Variants in IQSEC1 observed in about 807,000 individuals in gnomAD.
IQSEC1 encodes the protein IQ motif and SEC7 domain-containing protein 1.
A neutral mutation model predicts 91.0 loss-of-function variants in IQSEC1; 31 were observed. The observed-to-expected ratio is 0.34, with a 90% confidence interval of 0.26 to 0.46. The LOEUF (loss-of-function observed/expected upper bound fraction) is 0.46. IQSEC1 is among the 20% of genes least tolerant of loss of function. IQSEC1 has a pLI of 1.00. For synonymous variants in IQSEC1, 699 were observed against 662.6 expected, an observed-to-expected ratio of 1.05 and a Z score of -0.84; for missense variants, 1,388 against 1,575.6, an observed-to-expected ratio of 0.88 and a Z score of 2.02.
chr3:13,168,766 T>C (rs1693547628), intron 1 of IQSEC1, among the ~76,000 whole-genome samples: 2 of 152,188 alleles, frequency 1.3e-5, no homozygotes, highest in Non-Finnish European at 2.9e-5. Flanking sequence ...AGTGGCTCCA[T>C]CTTCTAATTC....
rs184502133 is a variant in IQSEC1, at chr3:13,061,981, G to A, written c.23+11011C>T. Among the ~76,000 whole-genome samples the A allele has an allele frequency of 9.4e-4, 143 of 152,318 alleles. 1 individual carries two copies. Among genetic ancestry groups the A allele is most frequent in the African/African-American group, 3.4e-3 (140 of 41,556 alleles). On this transcript the variant is annotated intron_variant, in intron 1 of 13. Coordinates refer to ENST00000613206, the MANE Select transcript of IQSEC1 (RefSeq NM_001134382.3). ...CATGAGTCCCAGGGCTGACCAGGGGGACTGAGGCTGCTGAGGGGGCTGAAG... is the reference window on the plus strand; with the variant it reads ...CATGAGTCCCAGGGCTGACCAGGGGAACTGAGGCTGCTGAGGGGGCTGAAG...
intron 3 of IQSEC1, among the ~76,000 whole-genome samples, chr3:12,934,086 G>A (rs1055648028): frequency 6.6e-6 from 1 of 152,188 alleles, no homozygotes; most frequent in Non-Finnish European, 1.5e-5. Flanking sequence ...CAGACTTCAG[G>A]GACCGTGTCA....
intron 1 of IQSEC1, among the ~76,000 whole-genome samples, chr3:13,198,415 C>T (rs540590571): frequency 3.9e-5 from 6 of 152,196 alleles, no homozygotes; most frequent in African/African-American, 1.4e-4. Context: ...CCTAGAGATC[C>T]AGTCTGAGAA....
At chr3:12,974,258 C>G (rs1701048252) in intron 1 of IQSEC1, among the ~76,000 whole-genome samples, 1 of 152,194 alleles carries the variant, frequency 6.6e-6, no homozygotes, top group African/African-American at 2.4e-5. Context: ...TGGTCACCTC[C>G]TCCAAGAAGC....
rs912128391 is a variant in IQSEC1, at chr3:12,967,288, C to T, written c.24-25423G>A. 21 of 1,074,136 alleles carry T rather than the reference C, an allele frequency of 2.0e-5. No individual in the cohort carries two copies. The Admixed American group carries it at 5.7e-4, about 29-fold the overall frequency. The allele number at this position is 1,074,136 out of a possible 1,614,324, so 66.5% of individuals were successfully genotyped here. On this transcript the variant is annotated intron_variant, in intron 1 of 13. Transcript: ENST00000613206. This position sits in a 1 kb window ranked among gnomAD's most constrained non-coding sequence, Gnocchi z 5.9. ...TCTCTCGCACGCCGGGCGCCCGGTC[C>T]CGACGGTCACCCGCACTCCCGCACA... is the stretch of plus-strand genomic sequence containing the variant.
At chr3:13,213,090 T>C (rs114466680) in intron 1 of IQSEC1, among the ~76,000 whole-genome samples, 3,124 of 152,372 alleles carry the variant, frequency 0.021, 62 homozygotes, top group Non-Finnish European at 0.033. Flanking sequence ...TTGTTGCTCA[T>C]GCTTTTCATG....
rs1259140127 is a variant in IQSEC1, at chr3:12,913,510, A to G, written c.2234T>C (p.Leu745Pro). The G allele has an allele frequency of 6.2e-7, 1 of 1,607,932 alleles. No individual in the cohort carries two copies. Among genetic ancestry groups the G allele is most frequent in the Non-Finnish European group, 8.5e-7 (1 of 1,176,082 alleles). ...PHRRLVCYCR[L>P]FEVPDPNKPQ... ...CTTGTTTGGGTCTGGAACCTCAAAG[A>G]GCCGGCAGTAGCAGACCAACCGACG... The change falls in exon 9 of 14, where the codon CTC (leucine) becomes CCC (proline). Residue 745 changes from leucine (L) to proline (P), a missense_variant. Physicochemically the swap from Leu to Pro is moderately conservative, Grantham distance 98. Around this residue, in one of 2 missense-constraint regions of IQSEC1, gnomAD observed 1,059 missense variants for 1,317.8 expected, o/e 0.80. Transcript: ENST00000613206.
chr3:13,015,239 G>A (rs923515122), intron 1 of IQSEC1, among the ~76,000 whole-genome samples: 2 of 152,172 alleles, frequency 1.3e-5, no homozygotes, highest in East Asian at 1.9e-4. Flanking sequence ...TGTGAGGGCC[G>A]TAGGCAGCGA....
chr3:13,159,607 G>A (rs933676455), intron 2 of IQSEC1, among the ~76,000 whole-genome samples: 2 of 150,078 alleles, frequency 1.3e-5, no homozygotes, highest in East Asian at 1.9e-4. Flanking sequence ...AAGCTGTTTT[G>A]TACTTCTCAG....
At chr3:13,026,135 C>T (rs959152711) in intron 1 of IQSEC1, among the ~76,000 whole-genome samples, 18 of 152,238 alleles carry the variant, frequency 1.2e-4, no homozygotes, top group African/African-American at 4.8e-5. Flanking sequence ...TCAGGGTACT[C>T]GTTGCCTCAG....
rs558410988 is a variant in IQSEC1, at chr3:12,992,263, C to G, written c.24-50398G>C. ...GTAGGGTGGCTCCGGGATGCTCCCT[C>G]CGGCACTGATGCTTAATGGCTGGGC... is the stretch of plus-strand genomic sequence containing the variant. On this transcript the variant is annotated intron_variant, in intron 1 of 13. Coordinates refer to ENST00000613206, the MANE Select transcript of IQSEC1 (RefSeq NM_001134382.3). The surrounding 1 kb of genome is among the most constrained non-coding windows in gnomAD (Gnocchi z 4.1). 2.2e-4 allele frequency among the ~76,000 whole-genome samples: 33 copies of G among 149,900 alleles called. No homozygotes were observed. The highest frequency in any genetic ancestry group is 4.6e-4 in the Non-Finnish European group (31 of 67,870).
intron 1 of IQSEC1, among the ~76,000 whole-genome samples, chr3:13,235,189 G>T (rs753704923): frequency 2.0e-5 from 3 of 152,182 alleles, no homozygotes; most frequent in Non-Finnish European, 4.4e-5. Flanking sequence ...GGGCTGCCCC[G>T]TCTCACAGAG....
rs1157035864 is a variant in IQSEC1, at chr3:12,936,071, C to A, written c.945G>T (p.Glu315Asp). Residue 315 changes from glutamate to aspartate, a missense_variant, in exon 3 of 14, where the codon GAG becomes GAT. Glu to Asp is a conservative substitution (Grantham distance 45). Transcript: ENST00000613206. Reference sequence around the variant, plus strand: ...CCCCAGCCCGTAGCCGCAGGTCCGACTCGGTGCTGGACGGCCGGTCCCCTG... The same window carrying A: ...CCCCAGCCCGTAGCCGCAGGTCCGAATCGGTGCTGGACGGCCGGTCCCCTG... ...SQAGDRPSST[E>D]SDLRLRAGGA... 1 of 1,608,186 alleles carries A rather than the reference C, an allele frequency of 6.2e-7. No homozygotes were observed. The highest frequency in any genetic ancestry group is 1.3e-5 in the African/African-American group (1 of 74,940).
chr3:12,962,696 G>T (rs1700316404), intron 1 of IQSEC1, among the ~76,000 whole-genome samples: 1 of 152,254 alleles, frequency 6.6e-6, no homozygotes, highest in Admixed American at 6.5e-5. Context: ...TCCAAGCAGA[G>T]TCTTGGCCTG....
chr3:13,270,290 T>C (rs2125143821), intron 1 of IQSEC1, among the ~76,000 whole-genome samples: 1 of 152,338 alleles, frequency 6.6e-6, no homozygotes, highest in Non-Finnish European at 1.5e-5. Context: ...GGCCAACAAA[T>C]AAACCTTACG....
chr3:13,109,884 CTTTT>C (rs34511430), intron 2 of IQSEC1, among the ~76,000 whole-genome samples: 2 of 123,222 alleles, frequency 1.6e-5, no homozygotes, highest in African/African-American at 6.0e-5. Flanking sequence ...GGGATAAATT[CTTTT>C]TTTTTTTTTT....
At chr3:12,923,664 C>T (rs1369736684) in intron 4 of IQSEC1, among the ~76,000 whole-genome samples, 3 of 152,170 alleles carry the variant, frequency 2.0e-5, no homozygotes, top group East Asian at 1.9e-4. Flanking sequence ...ACAAAAAGGG[C>T]GACGGCACCC....
intron 1 of IQSEC1, among the ~76,000 whole-genome samples, chr3:12,952,376 C>T (rs1699607512): frequency 6.6e-6 from 1 of 152,188 alleles, no homozygotes; most frequent in South Asian, 2.1e-4. Context: ...AACTCTTTCT[C>T]AGACCCTCCT....
intron 1 of IQSEC1, among the ~76,000 whole-genome samples, chr3:13,275,540 A>G (rs2125151352): frequency 6.6e-6 from 1 of 152,136 alleles, no homozygotes; most frequent in South Asian, 2.1e-4. Context: ...CACACCACAC[A>G]TGCTGCTTCC....
Sources: gnomAD v4.1 joint callset for allele counts (sites outside exome capture counted in the v4.1 genomes callset) on GRCh38, gnomAD v4.1.1 for gene constraint, gnomAD v4.1.1 regional missense constraint, Gnocchi (gnomAD v3.1) non-coding constraint, MANE v1.5 for transcripts, NCBI Gene and HGNC (gene_info 2026-07-23, HGNC 2026-07-21) for gene names.